PPARGC1A: variants seen among roughly 807,000 people sequenced by gnomAD.
PPARGC1A encodes peroxisome proliferator-activated receptor gamma coactivator 1-alpha.
Under a neutral mutation model 88.7 loss-of-function variants are expected in PPARGC1A, and 25 were observed. The ratio of observed to expected loss-of-function variants is 0.28; its 90% CI spans 0.21 to 0.39. The LOEUF (loss-of-function observed/expected upper bound fraction) is 0.39. PPARGC1A is among the 10% of genes least tolerant of loss of function. The pLI is 1.00. For missense variants in PPARGC1A, 880 were observed against 968.7 expected (o/e 0.91, Z 1.22); for synonymous variants, 363 against 355.6 (o/e 1.02, Z -0.24).
chr4:24,268,889 T>A, the PPARGC1A span, among the ~76,000 whole-genome samples: 1 of 152,228 alleles, frequency 6.6e-6, no homozygotes, highest in South Asian at 2.1e-4. Flanking sequence ...TCCTACTATA[T>A]CGAGTACTGT....
the PPARGC1A span, among the ~76,000 whole-genome samples, chr4:23,929,020 G>A: frequency 6.6e-6 from 1 of 152,118 alleles, no homozygotes; most frequent in African/African-American, 2.4e-5. Context: ...AATTGCTAAT[G>A]CATGCTGGGC....
At chr4:24,401,657 A>C in the PPARGC1A span, among the ~76,000 whole-genome samples, 3 of 152,148 alleles carry the variant, frequency 2.0e-5, no homozygotes, top group South Asian at 6.2e-4. Context: ...ATCCCATCCT[A>C]TTGGGGAAAG....
chr4:23,793,748 T>G lies in PPARGC1A; in HGVS notation c.*2074A>C, dbSNP rs942900276. On this transcript the variant is annotated 3_prime_UTR_variant, in exon 13 of 13. Transcript: ENST00000264867. Reference sequence around the variant, plus strand: ...TTTTTATTAAATTTAGCAGAAGCAATGTCATCAAGAACAACACCATGGTCA... The same window carrying G: ...TTTTTATTAAATTTAGCAGAAGCAAGGTCATCAAGAACAACACCATGGTCA... The G allele has an allele frequency of 6.6e-6, 1 of 151,948 alleles. No individual in the cohort carries two copies. Among genetic ancestry groups the G allele is most frequent in the Non-Finnish European group, 1.5e-5 (1 of 67,998 alleles). The allele number at this position is 151,948 out of a possible 1,614,324, so 9.4% of individuals were successfully genotyped here.
the PPARGC1A span, among the ~76,000 whole-genome samples, chr4:24,380,234 G>A: frequency 6.6e-5 from 10 of 152,206 alleles, no homozygotes; most frequent in Non-Finnish European, 1.5e-5. Context: ...TGGAAATTCA[G>A]GGTAGAAGGA....
the PPARGC1A span, among the ~76,000 whole-genome samples, chr4:24,303,110 C>T: frequency 1.3e-5 from 2 of 152,210 alleles, no homozygotes; most frequent in Non-Finnish European, 1.5e-5. Context: ...ATCTCCCTTA[C>T]ACAAAGCACC....
the PPARGC1A span, among the ~76,000 whole-genome samples, chr4:23,970,529 G>A: frequency 8.5e-5 from 13 of 152,242 alleles, no homozygotes; most frequent in South Asian, 4.1e-4. Flanking sequence ...ACTGTAATGC[G>A]TGGTTACTGA....
At chr4:24,044,889 C>T in the PPARGC1A span, among the ~76,000 whole-genome samples, 1 of 152,190 alleles carries the variant, frequency 6.6e-6, no homozygotes, top group Non-Finnish European at 1.5e-5. Context: ...CAGAAAAACT[C>T]CTTATTTGCA....
chr4:24,004,455 A>G, the PPARGC1A span, among the ~76,000 whole-genome samples: 1 of 152,182 alleles, frequency 6.6e-6, no homozygotes, highest in African/African-American at 2.4e-5. Flanking sequence ...GCAATGAAAA[A>G]GTAGTAAAGT....
At chr4:24,000,932 A>G in the PPARGC1A span, among the ~76,000 whole-genome samples, 1 of 152,184 alleles carries the variant, frequency 6.6e-6, no homozygotes, top group Non-Finnish European at 1.5e-5. Context: ...TAAGATGAAT[A>G]AGGGAGCTAC....
the PPARGC1A span, among the ~76,000 whole-genome samples, chr4:24,428,588 G>A: frequency 6.6e-6 from 1 of 152,346 alleles, no homozygotes; most frequent in East Asian, 1.9e-4. Context: ...TAAAGGGGAA[G>A]CTGGATGCAT....
chr4:24,263,560 T>C, the PPARGC1A span, among the ~76,000 whole-genome samples: 1 of 151,998 alleles, frequency 6.6e-6, no homozygotes, highest in Non-Finnish European at 1.5e-5. Context: ...ATAAAAGTTA[T>C]ACCAAGTGTG....
the PPARGC1A span, among the ~76,000 whole-genome samples, chr4:23,972,983 C>T: frequency 2.0e-5 from 3 of 152,148 alleles, no homozygotes; most frequent in Non-Finnish European, 4.4e-5. Context: ...GCTCGTTAAG[C>T]AAAGATTAAC....
chr4:24,112,163 A>G, the PPARGC1A span, among the ~76,000 whole-genome samples: 222 of 152,298 alleles, frequency 1.5e-3, 2 homozygotes, highest in Admixed American at 3.3e-3. Flanking sequence ...GACAAGCTCC[A>G]AAGTTTTCAT....
At chr4:24,334,626 C>T in the PPARGC1A span, among the ~76,000 whole-genome samples, 3 of 152,112 alleles carry the variant, frequency 2.0e-5, no homozygotes, top group South Asian at 2.1e-4. Context: ...TTCTGTTTTC[C>T]GAGGTTTTGT....
chr4:24,342,586 T>A, the PPARGC1A span, among the ~76,000 whole-genome samples: 1 of 152,238 alleles, frequency 6.6e-6, no homozygotes, highest in Non-Finnish European at 1.5e-5. Flanking sequence ...TCGTTCATAT[T>A]ATTACAGTAC....
the PPARGC1A span, among the ~76,000 whole-genome samples, chr4:24,307,335 TC>T: frequency 6.6e-6 from 1 of 151,768 alleles, no homozygotes; most frequent in Admixed American, 6.6e-5. Flanking sequence ...ATTTTTCACA[TC>T]CTTTGGATGT....
the PPARGC1A span, among the ~76,000 whole-genome samples, chr4:24,321,429 G>A: frequency 6.6e-5 from 10 of 152,316 alleles, no homozygotes; most frequent in East Asian, 1.7e-3. Flanking sequence ...AAATATAACT[G>A]AAGACAGGTT....
At chr4:24,449,609 C>T in the PPARGC1A span, among the ~76,000 whole-genome samples, 2 of 152,314 alleles carry the variant, frequency 1.3e-5, no homozygotes, top group East Asian at 3.9e-4. Context: ...AATCCTCTGA[C>T]TTGTGATTGA....
the PPARGC1A span, among the ~76,000 whole-genome samples, chr4:23,958,939 C>A: frequency 2.7e-5 from 4 of 149,208 alleles, no homozygotes; most frequent in African/African-American, 7.4e-5. Context: ...ATTGACAGAG[C>A]AGAATTTGGA....
Sources: allele counts gnomAD v4.1 joint callset (sites outside exome capture counted in the v4.1 genomes callset), GRCh38; gene constraint gnomAD v4.1.1; transcripts MANE v1.5; gene names NCBI Gene and HGNC (gene_info 2026-07-23, HGNC 2026-07-21).